WDR81: variants seen among roughly 807,000 people sequenced by gnomAD.
WDR81 encodes the protein WD repeat-containing protein 81.
A neutral mutation model predicts 140.8 loss-of-function variants in WDR81; 92 were observed. That is an observed-to-expected ratio of 0.65 (90% confidence interval 0.55 to 0.78). The LOEUF is 0.78. WDR81 is among the 30% of genes least tolerant of loss of function. The pLI is 0.00. For missense variants in WDR81, 2,502 were observed against 2,636.4 expected (o/e 0.95, Z 1.12); for synonymous variants, 1,183 against 1,156.4 (o/e 1.02, Z -0.47).
Position 1,726,986 on chromosome 17 carries a change from G to T in WDR81, c.2027G>T (p.Gly676Val), listed in dbSNP as rs567740059. The T allele has an allele frequency of 9.7e-6, 15 of 1,550,452 alleles. No individual in the cohort carries two copies. In the Admixed American group the frequency reaches 2.5e-4, roughly 26 times the overall value. Reference sequence around the variant, plus strand: ...TCCATTTCCCTTGCTGGGAAAGCAGGTGACCAGCTGGGCTCCTCCAGTCAA... The same window carrying T: ...TCCATTTCCCTTGCTGGGAAAGCAGTTGACCAGCTGGGCTCCTCCAGTCAA... ...LDSISLAGKAGDQLGSSSQAS... is the reference protein window; with the variant it reads ...LDSISLAGKAVDQLGSSSQAS... The change falls in exon 1 of 10, where the codon GGT (glycine) becomes GTT (valine). Residue 676 changes from glycine (G) to valine (V), a missense_variant. Transcript: ENST00000409644.
Position 1,725,711 on chromosome 17 carries a change from C to T in WDR81, c.752C>T (p.Ala251Val). 5 of 1,550,180 alleles carry T rather than the reference C, an allele frequency of 3.2e-6. No individual in the cohort carries two copies. The highest frequency in any genetic ancestry group is 4.4e-6 in the Non-Finnish European group (5 of 1,147,040). Residue 251 changes from alanine to valine, a missense_variant, in exon 1 of 10, where the codon GCC becomes GTC. By Grantham distance (64) the Ala-to-Val change is moderately conservative. Coordinates refer to ENST00000409644, the MANE Select transcript of WDR81 (RefSeq NM_001163809.2). ...CATGACGTGGTCACCTTCAGCCCTG[C>T]CAAGCTGACCAACAGCCAGGCCAAG... ...SLHDVVTFSP[A>V]KLTNSQAKVL...
chr17:1,721,776 C>G (rs1016501173), upstream of WDR81, among the ~76,000 whole-genome samples: 17 of 149,408 alleles, frequency 1.1e-4, no homozygotes, highest in African/African-American at 4.0e-4. Flanking sequence ...GAGCCAAGAT[C>G]ACACTACTGC....
chr17:1,735,999 G>T lies in WDR81; in HGVS notation c.5326-40G>T. ...GGCAGGGCCTTGGGGAGTGTGAGATGGGAAGGTGGTGCCTCAGCTCAGCCG... is the reference window on the plus strand; with the variant it reads ...GGCAGGGCCTTGGGGAGTGTGAGATTGGAAGGTGGTGCCTCAGCTCAGCCG... On this transcript the variant is annotated intron_variant, in intron 8 of 9. Transcript: ENST00000409644. The surrounding 1 kb of genome is among the most constrained non-coding windows in gnomAD (Gnocchi z 4.2). 1 of 1,556,852 alleles carries T rather than the reference G, an allele frequency of 6.4e-7. No homozygotes were observed. Among genetic ancestry groups the T allele is most frequent in the South Asian group, 1.2e-5 (1 of 84,200 alleles).
chr17:1,733,450 G>T (rs950946507), intron 6 of WDR81, 77 bp from the exon 7 acceptor site: 8 of 1,421,330 alleles, frequency 5.6e-6, no homozygotes, highest in African/African-American at 1.4e-5. Flanking sequence ...ATCTTCTGTG[G>T]CTCCCGAGTC....
At position 1,735,452 on chromosome 17, in the gene WDR81, A is replaced by T. The variant is rs141550742; in HGVS notation, c.5180-120A>T. 2.7e-6 allele frequency: 3 copies of T among 1,094,804 alleles called. No homozygotes were observed. The highest frequency in any genetic ancestry group is 3.8e-6 in the Non-Finnish European group (3 of 792,106). 67.8% of individuals were successfully genotyped at this position (1,094,804 alleles called of 1,614,324 possible). A position where few individuals can be genotyped will look rare whatever the true frequency, so the allele number is the denominator to read the frequency against. The stretch of plus-strand genomic sequence containing the variant: ...TCAAAAAAAGAGAAACATCTTTAGC[A>T]TTTTCTAAGGATCCCTGGGGGACGG... On this transcript the variant is annotated intron_variant, in intron 7 of 9. Coordinates refer to ENST00000409644, the MANE Select transcript of WDR81 (RefSeq NM_001163809.2). The surrounding 1 kb of genome is among the most constrained non-coding windows in gnomAD (Gnocchi z 4.2).
chr17:1,733,326 T>C (rs906929656), intron 6 of WDR81, among the ~76,000 whole-genome samples: 7 of 152,234 alleles, frequency 4.6e-5, no homozygotes, highest in South Asian at 2.1e-4. Flanking sequence ...ACGGCACATA[T>C]AGAAGATGCT....
upstream of WDR81, among the ~76,000 whole-genome samples, chr17:1,720,507 T>C (rs1914805975): frequency 6.6e-6 from 1 of 152,220 alleles, no homozygotes; most frequent in African/African-American, 2.4e-5. Context: ...CCGGGCATGG[T>C]GGCTCACGCC....
chr17:1,724,649 C>A, upstream of WDR81: 3 of 1,028,728 alleles, frequency 2.9e-6, no homozygotes, highest in Non-Finnish European at 3.5e-6. Context: ...CCCGCCCGGG[C>A]CTCTGGAGCC....
chr17:1,732,885 G>A (rs1904485640), intron 6 of WDR81, 54 bp downstream of exon 6: 1 of 1,546,758 alleles, frequency 6.5e-7, no homozygotes, highest in Non-Finnish European at 8.8e-7. Flanking sequence ...TCCTCCCTTG[G>A]GAGGCCCCAT....
intron 1 of WDR81, 52 bp from the exon 2 acceptor site, chr17:1,730,328 G>C: frequency 6.8e-7 from 1 of 1,464,500 alleles, no homozygotes; most frequent in Non-Finnish European, 9.3e-7. Context: ...GGGTGGGAGG[G>C]GTGATGAGCC....
rs545986172 is a variant in WDR81 at position 1,731,184 on chromosome 17, C to G, written c.4083C>G (p.Leu1361=). 1.2e-6 allele frequency: 2 copies of G among 1,613,622 alleles called. No individual in the cohort carries two copies. Among genetic ancestry groups the G allele is most frequent in the African/African-American group, 2.7e-5 (2 of 75,062 alleles). Residue 1361 remains leucine (L), a synonymous_variant, in exon 4 of 10, where the codon CTC becomes CTG. Transcript: ENST00000409644. ...TCGTGTACCTCTCAGACACCACACT[C>G]ATGGACATCCTGCCCCGGATCAGCC... is the stretch of plus-strand genomic sequence containing the variant. The part of the protein sequence containing the change: ...KIIVYLSDTT[L]MDILPRISHE...
rs1462226146 is a variant in WDR81 at position 1,737,803 on chromosome 17, G to C, written c.*118G>C. 1 of 1,297,870 alleles carries C rather than the reference G, an allele frequency of 7.7e-7. No individual in the cohort carries two copies. The allele number at this position is 1,297,870 out of a possible 1,614,324, so 80.4% of individuals were successfully genotyped here. A position where few individuals can be genotyped will look rare whatever the true frequency, so the allele number is the denominator to read the frequency against. On this transcript the variant is annotated 3_prime_UTR_variant, in exon 10 of 10. Transcript: ENST00000409644. Reference sequence around the variant, plus strand: ...AGGCCCTGGGTCCCACGCCCTGGGTGCCCACATGGCCTGCCAACTAGGGCC... The same window carrying C: ...AGGCCCTGGGTCCCACGCCCTGGGTCCCCACATGGCCTGCCAACTAGGGCC...
At position 1,727,014 on chromosome 17, in the gene WDR81, G is replaced by C; in HGVS notation, c.2055G>C (p.Ala685=). The change falls in exon 1 of 10, where the codon GCG becomes GCC. Residue 685 remains alanine (A), a synonymous_variant. Coordinates refer to ENST00000409644, the MANE Select transcript of WDR81 (RefSeq NM_001163809.2). ...ACCAGCTGGGCTCCTCCAGTCAAGCGTCCCCTGGACTTCTCTCTTTCTCAG... is the reference window on the plus strand; with the variant it reads ...ACCAGCTGGGCTCCTCCAGTCAAGCCTCCCCTGGACTTCTCTCTTTCTCAG... The part of the protein sequence containing the change: ...AGDQLGSSSQ[A]SPGLLSFSVA... The C allele has an allele frequency of 6.5e-7, 1 of 1,550,368 alleles. No individual in the cohort carries two copies. The highest frequency in any genetic ancestry group is 8.7e-7 in the Non-Finnish European group (1 of 1,146,978).
chr17:1,729,176 G>C (rs569212345), intron 1 of WDR81, among the ~76,000 whole-genome samples: 60 of 152,026 alleles, frequency 3.9e-4, no homozygotes, highest in Non-Finnish European at 8.1e-4. Flanking sequence ...TTCCTAGGAG[G>C]GAGTGCAACA....
At chr17:1,729,654 A>G (rs1288763594) in intron 1 of WDR81, among the ~76,000 whole-genome samples, 1 of 151,962 alleles carries the variant, frequency 6.6e-6, no homozygotes, top group African/African-American at 2.4e-5. Context: ...TGAGGCTGTC[A>G]TGTTCCATTA....
chr17:1,730,304 G>A, intron 1 of WDR81, 76 bp from the exon 2 acceptor site: 1 of 1,234,680 alleles, frequency 8.1e-7, no homozygotes, highest in Non-Finnish European at 1.1e-6. Flanking sequence ...GGTTGAGTGG[G>A]GTGCCGTGGG....
In WDR81 at chr17:1,727,993, C is replaced by A; in HGVS notation, c.3034C>A (p.Leu1012Met). 1 of 1,550,548 alleles carries A rather than the reference C, an allele frequency of 6.4e-7. No individual in the cohort carries two copies. The highest frequency in any genetic ancestry group is 8.7e-7 in the Non-Finnish European group (1 of 1,147,130). The change falls in exon 1 of 10, where the codon CTG becomes ATG. Residue 1012 changes from leucine (L) to methionine (M), a missense_variant. Around this residue, in one of 3 missense-constraint regions of WDR81, gnomAD observed 1,737 missense variants for 1,843.0 expected, o/e 0.94. Coordinates refer to ENST00000409644, the MANE Select transcript of WDR81 (RefSeq NM_001163809.2). ...THLLPHVLQV[L>M]AGAEASQEES... Reference sequence around the variant, plus strand: ...CCTGCTGCCCCATGTCCTGCAGGTGCTGGCGGGCGCAGAGGCCTCCCAGGA... The same window carrying A: ...CCTGCTGCCCCATGTCCTGCAGGTGATGGCGGGCGCAGAGGCCTCCCAGGA...
upstream of WDR81, among the ~76,000 whole-genome samples, chr17:1,723,674 A>T (rs558997671): frequency 2.4e-4 from 36 of 151,508 alleles, no homozygotes; most frequent in African/African-American, 8.5e-4. Context: ...TTTAGTAGAG[A>T]CGGGGTTTCA....
In WDR81 at chr17:1,727,800, GC is replaced by G; in HGVS notation, c.2843del (p.Pro948LeufsTer16). ...TGTACACGGCCTGGTATCTGTTTGAGCCTGTTGCCAAGGCACTGGGCCCCAA... is the reference window on the plus strand; with the variant it reads ...TGTACACGGCCTGGTATCTGTTTGAGCTGTTGCCAAGGCACTGGGCCCCAA... ...AVYTAWYLFE[P>X]VAKALGPKNA... On this transcript the variant is annotated frameshift_variant, in exon 1 of 10. Transcript: ENST00000409644. LOFTEE classifies it high-confidence loss of function. The G allele has an allele frequency of 6.4e-7, 1 of 1,550,692 alleles. No homozygotes were observed. The highest frequency in any genetic ancestry group is 1.2e-5 in the South Asian group (1 of 84,066).
Sources: allele counts gnomAD v4.1 joint callset (sites outside exome capture counted in the v4.1 genomes callset), GRCh38; gene constraint gnomAD v4.1.1; regional missense constraint gnomAD v4.1.1; non-coding constraint Gnocchi (gnomAD v3.1); transcripts MANE v1.5; gene names NCBI Gene and HGNC (gene_info 2026-07-23, HGNC 2026-07-21).